The following DYNC2H1 variants were observed in gnomAD, a reference collection of about 807,000 sequenced individuals.
DYNC2H1 encodes the protein cytoplasmic dynein 2 heavy chain 1.
A neutral mutation model predicts 570.0 loss-of-function variants in DYNC2H1; 410 were observed. The ratio of observed to expected loss-of-function variants is 0.72; its 90% CI spans 0.66 to 0.78. The LOEUF (loss-of-function observed/expected upper bound fraction) is 0.78, where lower values mean the gene tolerates loss of function less well. Among genes scored for constraint, DYNC2H1 ranks in the 30% least tolerant of loss-of-function variants. The pLI is 0.00. For synonymous variants in DYNC2H1, 1,688 were observed against 1,677.6 expected (o/e 1.01, Z -0.15); for missense variants, 4,865 against 5,046.4 (o/e 0.96, Z 1.09).
intron 9 of DYNC2H1, 108 bp from the exon 10 acceptor site, chr11:103,121,264 T>G: frequency 7.8e-7 from 1 of 1,287,188 alleles, no homozygotes; most frequent in Non-Finnish European, 1.0e-6. Flanking sequence ...AAGGACCAAC[T>G]CATTATTTTT....
chr11:103,290,197 G>C (rs921037206), intron 75 of DYNC2H1, among the ~76,000 whole-genome samples: 2 of 151,914 alleles, frequency 1.3e-5, no homozygotes, highest in African/African-American at 4.8e-5. Flanking sequence ...TTTTGGGTTG[G>C]GGGGAGACAC....
Position 103,145,673 on chromosome 11 carries a change from C to G in DYNC2H1, c.2703-2099C>G, listed in dbSNP as rs1313084848. 3.3e-5 allele frequency among the ~76,000 whole-genome samples: 5 copies of G among 152,176 alleles called. No individual in the cohort carries two copies. Among genetic ancestry groups the G allele is most frequent in the African/African-American group, 1.2e-4 (5 of 41,438 alleles). On this transcript the variant is annotated intron_variant, in intron 18 of 88. Transcript: ENST00000375735. This position sits in a 1 kb window ranked among gnomAD's most constrained non-coding sequence, Gnocchi z 4.2. Reference sequence around the variant, plus strand: ...GAATACATACATATGCACATACAAACATACACATTTATTTCATCGGTACTT... The same window carrying G: ...GAATACATACATATGCACATACAAAGATACACATTTATTTCATCGGTACTT...
In DYNC2H1 at chr11:103,295,266, A is replaced by G. The variant is rs183523925; in HGVS notation, c.11095+7661A>G. ...CCGGGCTGCTGTATATGCTCCTTCC[A>G]TGGGCACTGGTAGAATTCTGTCTGG... On this transcript the variant is annotated intron_variant, in intron 75 of 88. Transcript: ENST00000375735. Among the ~76,000 whole-genome samples the G allele has an allele frequency of 8.1e-4, 123 of 152,308 alleles. 1 individual carries two copies. In the Middle Eastern group the frequency reaches 0.01, roughly 13 times the overall value.
At chr11:103,127,943 G>T (rs1035706422) in intron 12 of DYNC2H1, among the ~76,000 whole-genome samples, 1 of 152,174 alleles carries the variant, frequency 6.6e-6, no homozygotes, top group African/African-American at 2.4e-5. Context: ...GACAAAGACT[G>T]CTATTTCATA....
rs566324506 is a variant in DYNC2H1, at chr11:103,115,227, C to A, written c.553C>A (p.Arg185Ser). The change falls in exon 4 of 89, where the codon CGT becomes AGT. Residue 185 changes from arginine to serine, a missense_variant. Transcript: ENST00000375735. ...EFQFWIEQAH[R>S]GNKQISKERA... ...CCAGTTTTGGATAGAACAAGCTCAC[C>A]GTGGAAATAAACAGATTAGTAAAGA... The A allele has an allele frequency of 1.9e-6, 3 of 1,610,146 alleles. No homozygotes were observed. In the African/African-American group the frequency reaches 4.0e-5, roughly 22 times the overall value.
chr11:103,322,731 A>G (rs1175900002), intron 81 of DYNC2H1, among the ~76,000 whole-genome samples: 1 of 152,188 alleles, frequency 6.6e-6, no homozygotes, highest in Non-Finnish European at 1.5e-5. Context: ...ATAACTCTAC[A>G]AAGAGTAAAT....
chr11:103,138,065 G>A (rs1399054454), intron 17 of DYNC2H1, among the ~76,000 whole-genome samples: 1 of 149,784 alleles, frequency 6.7e-6, no homozygotes, highest in Non-Finnish European at 1.5e-5. Context: ...TGTGATTTTT[G>A]TACATTGATT....
chr11:103,443,520 A>T (rs1944334560), intron 85 of DYNC2H1, among the ~76,000 whole-genome samples: 1 of 151,958 alleles, frequency 6.6e-6, no homozygotes, highest in South Asian at 2.1e-4. Flanking sequence ...TACAATAAAA[A>T]TAATTTAAGA....
At chr11:103,294,862 A>G (rs1285383902) in intron 75 of DYNC2H1, among the ~76,000 whole-genome samples, 1 of 152,210 alleles carries the variant, frequency 6.6e-6, no homozygotes. Flanking sequence ...GCCTGGAATC[A>G]TAGGCTTCAG....
At chr11:103,191,647 T>TGTGTGG in intron 46 of DYNC2H1, 28 bp downstream of exon 46, 1 of 1,385,444 alleles carries the variant, frequency 7.2e-7, no homozygotes, top group Non-Finnish European at 1.0e-6. Flanking sequence ...GTATCTTGTG[T>TGTGTGG]GTGTGTGTGT....
intron 77 of DYNC2H1, among the ~76,000 whole-genome samples, chr11:103,306,026 C>T (rs1052606977): frequency 5.3e-5 from 8 of 152,288 alleles, no homozygotes; most frequent in African/African-American, 9.6e-5. Flanking sequence ...ATTCTCGTGC[C>T]TCAGCCTCCC....
intron 37 of DYNC2H1, 65 bp downstream of exon 37, chr11:103,176,499 C>T: frequency 4.2e-6 from 5 of 1,203,514 alleles, no homozygotes; most frequent in Non-Finnish European, 5.5e-6. Context: ...TATTAACTAT[C>T]CTTGTCCTTC....
In DYNC2H1 at chr11:103,309,168, A is replaced by ATTTTTTTTTTT. The variant is rs386374721; in HGVS notation, c.11493+1351_11493+1361dup. ...TTATTAGTGTTTGTAACTGCATGCT[A>ATTTTTTTTTTT]TTTTTTTTTTTTTTTTTTTTTTTTG... On this transcript the variant is annotated intron_variant, in intron 78 of 88. Coordinates refer to ENST00000375735, the MANE Select transcript of DYNC2H1 (RefSeq NM_001377.3). Among the ~76,000 whole-genome samples the ATTTTTTTTTTT allele has an allele frequency of 4.6e-4, 25 of 54,646 alleles. 3 individuals are homozygous for ATTTTTTTTTTT. The highest frequency in any genetic ancestry group is 1.0e-3 in the African/African-American group (16 of 15,546). 35.8% of individuals were successfully genotyped at this position (54,646 alleles called of 152,430 possible). A position where few individuals can be genotyped will look rare whatever the true frequency, so the allele number is the denominator to read the frequency against.
At chr11:103,271,878 A>G (rs1435497785) in intron 70 of DYNC2H1, among the ~76,000 whole-genome samples, 1 of 152,228 alleles carries the variant, frequency 6.6e-6, no homozygotes, top group Non-Finnish European at 1.5e-5. Flanking sequence ...ATGAGATACC[A>G]TCTCACACCA....
rs746257322 is a variant in DYNC2H1, at chr11:103,163,188, G to A, written c.4611+41G>A. ...TGTAGAAGCTACATAGGCATGGAAC[G>A]TGGAAAGATCCCTGACCTAGAAGCC... On this transcript the variant is annotated intron_variant, in intron 30 of 88. Transcript: ENST00000375735. The surrounding 1 kb of genome is among the most constrained non-coding windows in gnomAD (Gnocchi z 4.6). 8.4e-6 allele frequency: 13 copies of A among 1,552,672 alleles called. No individual in the cohort carries two copies. Among genetic ancestry groups the A allele is most frequent in the East Asian group, 4.6e-5 (2 of 43,560 alleles).
chr11:103,232,089 A>G (rs1170141151), intron 60 of DYNC2H1, among the ~76,000 whole-genome samples: 1 of 152,028 alleles, frequency 6.6e-6, no homozygotes, highest in Non-Finnish European at 1.5e-5. Flanking sequence ...AAAAATAAGT[A>G]TAATGTATTA....
At chr11:103,139,410 T>G (rs1466712465) in intron 17 of DYNC2H1, among the ~76,000 whole-genome samples, 1 of 152,100 alleles carries the variant, frequency 6.6e-6, no homozygotes, top group African/African-American at 2.4e-5. Flanking sequence ...TCTGGTATGT[T>G]GTGTCTTTGT....
rs1020246530 is a variant in DYNC2H1 at position 103,113,688 on chromosome 11, T to C, written c.347T>C (p.Phe116Ser). The C allele has an allele frequency of 2.6e-6, 4 of 1,541,636 alleles. No individual in the cohort carries two copies. Among genetic ancestry groups the C allele is most frequent in the Non-Finnish European group, 3.5e-6 (4 of 1,153,744 alleles). Reference protein sequence around the residue: ...SSLYQAVRQVFAPMLLKDQEW... With the variant: ...SSLYQAVRQVSAPMLLKDQEW... ...CTTTACCAAGCAGTACGGCAAGTAT[T>C]CGCACCAATGTTGTTAAAGGTGAGA... is the stretch of plus-strand genomic sequence containing the variant. Residue 116 changes from phenylalanine (F) to serine (S), a missense_variant, in exon 2 of 89, where the codon TTC becomes TCC. Around this residue, in one of 5 missense-constraint regions of DYNC2H1, gnomAD observed 1,936 missense variants for 1,962.1 expected, o/e 0.99. Coordinates refer to ENST00000375735, the MANE Select transcript of DYNC2H1 (RefSeq NM_001377.3).
intron 84 of DYNC2H1, among the ~76,000 whole-genome samples, chr11:103,432,811 TTGAGGACTA>T (rs1943939650): frequency 6.6e-6 from 1 of 152,126 alleles, no homozygotes; most frequent in Admixed American, 6.6e-5. Context: ...GAGGATTATT[TTGAGGACTA>T]TATGAGGTGG....
Sources: gnomAD v4.1 joint callset for allele counts (sites outside exome capture counted in the v4.1 genomes callset) on GRCh38, gnomAD v4.1.1 for gene constraint, gnomAD v4.1.1 regional missense constraint, Gnocchi (gnomAD v3.1) non-coding constraint, MANE v1.5 for transcripts, NCBI Gene and HGNC (gene_info 2026-07-23, HGNC 2026-07-21) for gene names.